The following KATNAL2 variants were observed in gnomAD, a reference collection of about 807,000 sequenced individuals.
KATNAL2 encodes the protein katanin p60 ATPase-containing subunit A-like 2.
A neutral mutation model predicts 76.3 loss-of-function variants in KATNAL2; 52 were observed. The ratio of observed to expected loss-of-function variants is 0.68; its 90% CI spans 0.55 to 0.86. The LOEUF (loss-of-function observed/expected upper bound fraction) is 0.86, where lower values mean the gene tolerates loss of function less well. Among genes scored for constraint, KATNAL2 ranks in the 40% least tolerant of loss-of-function variants. The probability of loss-of-function intolerance (pLI) is 0.00; values close to 1 mark genes in which losing one functional copy is unlikely to be tolerated. For missense variants in KATNAL2, 660 were observed against 668.9 expected, an observed-to-expected ratio of 0.99 and a Z score of 0.15; for synonymous variants, 243 against 244.2, an observed-to-expected ratio of 1.00 and a Z score of 0.05.
At chr18:46,968,029 C>T (rs1296289842) in intron 3 of KATNAL2, among the ~76,000 whole-genome samples, 1 of 119,420 alleles carries the variant, frequency 8.4e-6, no homozygotes, top group Non-Finnish European at 1.9e-5. Flanking sequence ...CCAGCTCAGG[C>T]GATCCTGCCA....
rs1162695359 is a variant in KATNAL2, at chr18:46,932,673, C to CAAA, written c.-509-13362_-509-13360dup. 1.6e-3 allele frequency among the ~76,000 whole-genome samples: 68 copies of CAAA among 42,828 alleles called. 2 individuals carry two copies. The highest frequency in any genetic ancestry group is 2.1e-3 in the African/African-American group (23 of 11,084). 28.1% of individuals were successfully genotyped at this position (42,828 alleles called of 152,430 possible). ...TGGGCAACAGAGCAAGACTCTGTCT[C>CAAA]AAAAAAAAAAAAAAAAAAAAAAAAG... On this transcript the variant is annotated intron_variant, in intron 1 of 17. Transcript: ENST00000683218.
chr18:47,092,781 T>C (rs546702502), intron 15 of KATNAL2, among the ~76,000 whole-genome samples: 1 of 152,312 alleles, frequency 6.6e-6, no homozygotes, highest in Non-Finnish European at 1.5e-5. Context: ...CGTCACAGCC[T>C]CTGTTTCTTG....
chr18:47,031,607 A>G (rs922271781), intron 3 of KATNAL2, among the ~76,000 whole-genome samples: 1 of 152,266 alleles, frequency 6.6e-6, no homozygotes, highest in Non-Finnish European at 1.5e-5. Flanking sequence ...TCTCCAGGAG[A>G]ATCGTAGTGT....
chr18:47,043,727 C>T (rs2061051864), intron 3 of KATNAL2, among the ~76,000 whole-genome samples: 1 of 151,260 alleles, frequency 6.6e-6, no homozygotes, highest in Non-Finnish European at 1.5e-5. Flanking sequence ...TATTTGATGG[C>T]ATGGGAAGTG....
At chr18:47,060,953 T>C (rs2061613390) in intron 8 of KATNAL2, among the ~76,000 whole-genome samples, 1 of 152,206 alleles carries the variant, frequency 6.6e-6, no homozygotes, top group South Asian at 2.1e-4. Context: ...TTGAAATGAA[T>C]GGATGTTTTT....
intron 14 of KATNAL2, among the ~76,000 whole-genome samples, chr18:47,077,057 C>T (rs553722472): frequency 2.0e-5 from 3 of 152,184 alleles, no homozygotes; most frequent in Non-Finnish European, 2.9e-5. Context: ...CACAGTTGGG[C>T]TGCATTTAAT....
chr18:46,933,916 C>T (rs373118870), intron 1 of KATNAL2, among the ~76,000 whole-genome samples: 8 of 148,502 alleles, frequency 5.4e-5, no homozygotes, highest in Non-Finnish European at 8.9e-5. Flanking sequence ...TTTGTCCTTG[C>T]GATAGTTTGC....
chr18:46,936,240 A>G (rs1374243810), intron 1 of KATNAL2, among the ~76,000 whole-genome samples: 2 of 152,198 alleles, frequency 1.3e-5, no homozygotes, highest in East Asian at 3.8e-4. Flanking sequence ...TTTATATATT[A>G]ATGTTCACAA....
intron 1 of KATNAL2, among the ~76,000 whole-genome samples, chr18:46,919,557 G>GC (rs1454923799): frequency 6.6e-6 from 1 of 152,080 alleles, no homozygotes; most frequent in Non-Finnish European, 1.5e-5. Flanking sequence ...GCTGAGACAG[G>GC]AAAATTGCTT....
At chr18:47,034,586 G>T in intron 3 of KATNAL2, 1 of 1,614,178 alleles carries the variant, frequency 6.2e-7, no homozygotes, top group Non-Finnish European at 8.5e-7. Context: ...GACGATTTGT[G>T]CCCCTTGCTG....
intron 3 of KATNAL2, among the ~76,000 whole-genome samples, chr18:46,951,759 A>T (rs2059563960): frequency 6.6e-6 from 1 of 152,104 alleles, no homozygotes; most frequent in Non-Finnish European, 1.5e-5. Context: ...TCAATGGAGA[A>T]GGCATTGCTC....
chr18:47,042,530 C>T (rs1326054422), intron 3 of KATNAL2, among the ~76,000 whole-genome samples: 1 of 151,902 alleles, frequency 6.6e-6, no homozygotes, highest in Non-Finnish European at 1.5e-5. Context: ...GACTTTAAAT[C>T]ATAAGATAAT....
rs1401793030 is a variant in KATNAL2, at chr18:46,959,188, G to A, written c.51+12265G>A. On this transcript the variant is annotated intron_variant, in intron 3 of 17. Transcript: ENST00000683218. ...TGAAATACCAATAGCTATAAAAAAT[G>A]TGCAGTTCTAAACACTAATTAAACA... Among the ~76,000 whole-genome samples the A allele has an allele frequency of 2.0e-5, 3 of 152,182 alleles. No homozygotes were observed. In the East Asian group the frequency reaches 5.8e-4, roughly 29 times the overall value.
chr18:46,933,468 T>C (rs561698198), intron 1 of KATNAL2, among the ~76,000 whole-genome samples: 1 of 152,164 alleles, frequency 6.6e-6, no homozygotes, highest in African/African-American at 2.4e-5. Context: ...CAGAGGTAGG[T>C]CAGCACTTCC....
Position 47,033,680 on chromosome 18 carries a change from G to A in KATNAL2, c.52-12777G>A, listed in dbSNP as rs140262120. The A allele has an allele frequency of 1.0e-4, 166 of 1,614,224 alleles. No individual in the cohort carries two copies. In the Middle Eastern group the frequency reaches 1.2e-3, roughly 11 times the overall value. On this transcript the variant is annotated intron_variant, in intron 3 of 17. Coordinates refer to ENST00000683218, the MANE Select transcript of KATNAL2 (RefSeq NM_001387690.1). Reference sequence around the variant, plus strand: ...AGCACCTGGGCACACTGCTGGCGCAGCGTCGGCACCTGGAGCTGGCAGGCA... The same window carrying A: ...AGCACCTGGGCACACTGCTGGCGCAACGTCGGCACCTGGAGCTGGCAGGCA...
chr18:47,043,264 TG>T (rs1248613678), intron 3 of KATNAL2, among the ~76,000 whole-genome samples: 4 of 125,968 alleles, frequency 3.2e-5, no homozygotes, highest in African/African-American at 1.2e-4. Context: ...AAAAGCTTCC[TG>T]GGAAGAAAAA....
chr18:47,032,180 T>G (rs547256284), intron 3 of KATNAL2, among the ~76,000 whole-genome samples: 1 of 152,370 alleles, frequency 6.6e-6, no homozygotes, highest in South Asian at 2.1e-4. Flanking sequence ...AGGGAAACTA[T>G]TTTGGCTTAA....
chr18:47,064,427 T>C (rs997032362), intron 10 of KATNAL2, among the ~76,000 whole-genome samples: 1 of 151,810 alleles, frequency 6.6e-6, no homozygotes, highest in Non-Finnish European at 1.5e-5. Context: ...AGAGGCAGGG[T>C]TCCTGAGGAA....
chr18:47,092,554 C>T (rs1053453586), intron 15 of KATNAL2, among the ~76,000 whole-genome samples: 1 of 152,090 alleles, frequency 6.6e-6, no homozygotes, highest in Non-Finnish European at 1.5e-5. Flanking sequence ...CATCACTTCA[C>T]CTTTTTCTCC....
Sources: gnomAD v4.1 joint callset for allele counts (sites outside exome capture counted in the v4.1 genomes callset) on GRCh38, gnomAD v4.1.1 for gene constraint, MANE v1.5 for transcripts, NCBI Gene and HGNC (gene_info 2026-07-23, HGNC 2026-07-21) for gene names.